Variants in PGM5 observed in about 807,000 individuals in gnomAD.
PGM5 encodes the protein phosphoglucomutase-like protein 5.
PGM5 carries 23 observed loss-of-function variants against 59.2 expected under a neutral mutation model. The ratio of observed to expected loss-of-function variants is 0.39; its 90% CI spans 0.28 to 0.55. The LOEUF (loss-of-function observed/expected upper bound fraction) is 0.55, where lower values mean the gene tolerates loss of function less well. PGM5 is among the 20% of genes least tolerant of loss of function. PGM5 has a pLI of 0.66. For synonymous variants in PGM5, 214 were observed against 286.0 expected (o/e 0.75, Z 2.54); for missense variants, 574 against 748.3 (o/e 0.77, Z 2.72).
At chr9:68,475,914 G>A (rs1335554831) in intron 7 of PGM5, among the ~76,000 whole-genome samples, 2 of 152,260 alleles carry the variant, frequency 1.3e-5, no homozygotes, top group Non-Finnish European at 1.5e-5. Context: ...CCAGCTACTC[G>A]AGAGGCTGAA....
rs1822364507 is a variant in PGM5, at chr9:68,391,560, C to A, written c.724C>A (p.Leu242Met). Reference protein sequence around the residue: ...GVMGPYVRKVLCDELGAPANS... With the variant: ...GVMGPYVRKVMCDELGAPANS... ...TATGGGACCTTATGTGAGAAAAGTT[C>A]TGTGTGATGAGCTGGGGGCCCCAGC... Residue 242 changes from leucine to methionine, a missense_variant, in exon 5 of 11, where the codon CTG (leucine) becomes ATG (methionine). Leu to Met is a conservative substitution (Grantham distance 15, BLOSUM62 2). Transcript: ENST00000396396. The A allele has an allele frequency of 6.2e-7, 1 of 1,613,148 alleles. No individual in the cohort carries two copies. Among genetic ancestry groups the A allele is most frequent in the African/African-American group, 1.3e-5 (1 of 74,804 alleles).
chr9:68,466,973 A>G (rs1823944919), intron 7 of PGM5, among the ~76,000 whole-genome samples: 1 of 152,188 alleles, frequency 6.6e-6, no homozygotes, highest in African/African-American at 2.4e-5. Context: ...CTCAGAGACA[A>G]TAGATCTCTT....
chr9:68,450,013 T>G (rs1296959232), intron 6 of PGM5, among the ~76,000 whole-genome samples: 3 of 152,166 alleles, frequency 2.0e-5, no homozygotes, highest in Non-Finnish European at 4.4e-5. Context: ...TTGACCAGTA[T>G]AGTCAGCATG....
At chr9:68,372,905 G>A (rs12552820) in intron 1 of PGM5, among the ~76,000 whole-genome samples, 17,876 of 151,930 alleles carry the variant, frequency 0.12, 1,184 homozygotes, top group Middle Eastern at 0.24. Flanking sequence ...CACACTTATC[G>A]TCAAGGGCAT....
chr9:68,390,548 C>A (rs1315570910), intron 4 of PGM5, among the ~76,000 whole-genome samples: 7 of 152,102 alleles, frequency 4.6e-5, no homozygotes, highest in Non-Finnish European at 8.8e-5. Flanking sequence ...GTGTGCTGGG[C>A]AGGCACAATC....
At chr9:68,465,068 A>G in intron 6 of PGM5, 25 bp from the exon 7 acceptor site, 4 of 1,399,452 alleles carry the variant, frequency 2.9e-6, no homozygotes, top group Non-Finnish European at 4.0e-6. Flanking sequence ...ATATGAATTG[A>G]CTTTTCTCAA....
intron 6 of PGM5, among the ~76,000 whole-genome samples, chr9:68,445,034 A>T (rs542341870): frequency 6.6e-6 from 1 of 152,288 alleles, no homozygotes; most frequent in Admixed American, 6.5e-5. Context: ...CTGTCCCCTA[A>T]TATCCCTTTT....
chr9:68,485,082 A>G (rs151298430), intron 9 of PGM5, among the ~76,000 whole-genome samples: 1 of 152,244 alleles, frequency 6.6e-6, no homozygotes, highest in Non-Finnish European at 1.5e-5. Flanking sequence ...GATTTTATCT[A>G]CTTGCAAGAA....
At chr9:68,485,432 C>T (rs191497353) in intron 9 of PGM5, among the ~76,000 whole-genome samples, 227 of 152,144 alleles carry the variant, frequency 1.5e-3, no homozygotes, top group Non-Finnish European at 2.4e-3. Context: ...GTGGGTTTTT[C>T]CTGTGCAGTC....
chr9:68,529,290 C>CTCTCATGT (rs1825042274), intron 10 of PGM5, among the ~76,000 whole-genome samples: 1 of 151,542 alleles, frequency 6.6e-6, no homozygotes, highest in Non-Finnish European at 1.5e-5. Flanking sequence ...TCATACAGTG[C>CTCTCATGT]TCTCATGTTT....
intron 8 of PGM5, among the ~76,000 whole-genome samples, chr9:68,480,115 C>G (rs1554687023): frequency 6.6e-6 from 1 of 152,172 alleles, no homozygotes; most frequent in East Asian, 1.9e-4. Flanking sequence ...GTGGCCCTCT[C>G]AAGAGGAACT....
intron 8 of PGM5, among the ~76,000 whole-genome samples, chr9:68,480,596 G>A (rs1824180820): frequency 6.6e-6 from 1 of 152,028 alleles, no homozygotes; most frequent in South Asian, 2.1e-4. Context: ...CTACTAGGGA[G>A]GCTGAGGCAG....
chr9:68,392,764 G>T (rs1394628514), intron 6 of PGM5, among the ~76,000 whole-genome samples: 5 of 152,060 alleles, frequency 3.3e-5, no homozygotes, highest in Non-Finnish European at 7.4e-5. Flanking sequence ...GGATTGTCAT[G>T]AAGTACAAAT....
At chr9:68,368,502 C>G (rs1834723621) in intron 1 of PGM5, among the ~76,000 whole-genome samples, 2 of 152,126 alleles carry the variant, frequency 1.3e-5, no homozygotes, top group Non-Finnish European at 2.9e-5. Context: ...ATGTACCTGT[C>G]ACTACCATGG....
chr9:68,417,991 C>T (rs1471247631), intron 6 of PGM5, among the ~76,000 whole-genome samples: 1 of 152,226 alleles, frequency 6.6e-6, no homozygotes, highest in Admixed American at 6.5e-5. Flanking sequence ...TCTGATACCA[C>T]CAGGGAGCAG....
chr9:68,385,554 A>G (rs1822196792), intron 3 of PGM5, among the ~76,000 whole-genome samples: 4 of 152,098 alleles, frequency 2.6e-5, no homozygotes. Context: ...ACAGAGAGCC[A>G]TGATACTCAC....
At chr9:68,441,289 A>G (rs1395097303) in intron 6 of PGM5, among the ~76,000 whole-genome samples, 3 of 152,156 alleles carry the variant, frequency 2.0e-5, no homozygotes, top group Non-Finnish European at 4.4e-5. Context: ...TTATGAGGCT[A>G]GCATTACCTG....
intron 10 of PGM5, among the ~76,000 whole-genome samples, chr9:68,504,164 A>G (rs1587221931): frequency 6.6e-6 from 1 of 152,166 alleles, no homozygotes; most frequent in Admixed American, 6.5e-5. Flanking sequence ...CTAGACTTCT[A>G]TTTCTGTTGC....
At chr9:68,448,248 T>C (rs1421228611) in intron 6 of PGM5, among the ~76,000 whole-genome samples, 2 of 152,106 alleles carry the variant, frequency 1.3e-5, no homozygotes, top group Non-Finnish European at 2.9e-5. Flanking sequence ...GTATGTGTCC[T>C]CCAAAGGTAT....
Sources: allele counts gnomAD v4.1 joint callset (sites outside exome capture counted in the v4.1 genomes callset), GRCh38; gene constraint gnomAD v4.1.1; transcripts MANE v1.5; gene names NCBI Gene and HGNC (gene_info 2026-07-23, HGNC 2026-07-21).